Variants in PCDHA11 observed in about 807,000 individuals in gnomAD.
The protein encoded by PCDHA11 is protocadherin alpha 11.
PCDHA11 carries 61 observed loss-of-function variants against 70.3 expected under a neutral mutation model. The observed-to-expected ratio is 0.87, with a 90% CI of 0.71 to 1.07. PCDHA11 has a LOEUF of 1.07. Ranked by LOEUF, PCDHA11 falls within the 50% of genes least tolerant of loss-of-function variation. The probability of loss-of-function intolerance (pLI) is 0.00; values close to 1 mark genes in which losing one functional copy is unlikely to be tolerated. For missense variants in PCDHA11, 1,324 were observed against 1,237.5 expected (o/e 1.07, Z -1.05); for synonymous variants, 633 against 555.1 (o/e 1.14, Z -1.97).
intron 1 of PCDHA11, among the ~76,000 whole-genome samples, chr5:140,934,143 A>T (rs1335256190): frequency 6.6e-6 from 1 of 152,000 alleles, no homozygotes; most frequent in Non-Finnish European, 1.5e-5. Context: ...TTCCTTCCTT[A>T]TATGTTTATA....
rs782042665 is a variant in PCDHA11, at chr5:140,871,029, G to A, written c.1926G>A (p.Pro642=). ...GTGCCCTGGACGAGGCAGACTCGCC[G>A]CGCCACCGACTTCTAGTACTGGTGA... ...TTRALDEADS[P]RHRLLVLVKD... Residue 642 remains proline, a synonymous_variant, in exon 1 of 4, where the codon CCG becomes CCA. Coordinates refer to ENST00000398640, the MANE Select transcript of PCDHA11 (RefSeq NM_018902.5). 1.9e-6 allele frequency: 3 copies of A among 1,613,228 alleles called. No homozygotes were observed. Among genetic ancestry groups the A allele is most frequent in the Non-Finnish European group, 2.5e-6 (3 of 1,179,844 alleles).
chr5:140,919,666 A>G (rs1247598579), intron 1 of PCDHA11, among the ~76,000 whole-genome samples: 1 of 152,154 alleles, frequency 6.6e-6, no homozygotes. Context: ...TATATATTTT[A>G]GCTTATTGGT....
intron 1 of PCDHA11, chr5:140,876,935 C>T (rs1554169119): frequency 6.2e-7 from 1 of 1,613,746 alleles, no homozygotes; most frequent in Non-Finnish European, 8.5e-7. Context: ...CAGAAGAACG[C>T]GCTGGTGTCC....
chr5:140,882,958 C>T (rs1582656438), intron 1 of PCDHA11: 1 of 1,614,040 alleles, frequency 6.2e-7, no homozygotes, highest in Non-Finnish European at 8.5e-7. Flanking sequence ...AGCTGCTCAT[C>T]ACGATTCTGG....
chr5:140,936,760 T>G (rs2091134702), intron 1 of PCDHA11, among the ~76,000 whole-genome samples: 1 of 152,220 alleles, frequency 6.6e-6, no homozygotes, highest in African/African-American at 2.4e-5. Context: ...TGATATCTAA[T>G]TGTGTAAGTT....
chr5:140,880,407 C>T (rs1198132829), intron 1 of PCDHA11, among the ~76,000 whole-genome samples: 1 of 152,128 alleles, frequency 6.6e-6, no homozygotes, highest in Non-Finnish European at 1.5e-5. Context: ...ATATGGTTGA[C>T]CTTAAAAGCG....
chr5:140,993,694 T>C (rs1192686372), intron 3 of PCDHA11, among the ~76,000 whole-genome samples: 1 of 152,186 alleles, frequency 6.6e-6, no homozygotes, highest in African/African-American at 2.4e-5. Flanking sequence ...TCCCATAAGA[T>C]TGTAATACCA....
At chr5:140,957,080 A>G (rs2095331610) in intron 1 of PCDHA11, among the ~76,000 whole-genome samples, 1 of 152,174 alleles carries the variant, frequency 6.6e-6, no homozygotes. Flanking sequence ...CTTTTTATTA[A>G]GGAAAATGAA....
In PCDHA11 at chr5:140,967,672, C is replaced by G. The variant is rs781956405; in HGVS notation, c.2392-11277C>G. 36 of 1,614,182 alleles carry G rather than the reference C, an allele frequency of 2.2e-5. No individual in the cohort carries two copies. The South Asian group carries it at 3.8e-4, about 17-fold the overall frequency. ...ACTCCTTGAGCAGCTACACGTCGGACCGGGAGAGGCAGCTCTTCAGCATAG... is the reference window on the plus strand; with the variant it reads ...ACTCCTTGAGCAGCTACACGTCGGAGCGGGAGAGGCAGCTCTTCAGCATAG... On this transcript the variant is annotated intron_variant, in intron 1 of 3. Transcript: ENST00000398640.
chr5:140,890,776 A>T (rs1554184541), intron 1 of PCDHA11, among the ~76,000 whole-genome samples: 2 of 152,198 alleles, frequency 1.3e-5, no homozygotes, highest in Non-Finnish European at 2.9e-5. Context: ...TTAAAACCCC[A>T]TAAGATATTA....
intron 3 of PCDHA11, among the ~76,000 whole-genome samples, chr5:141,007,067 G>A (rs1352139121): frequency 1.3e-5 from 2 of 152,164 alleles, no homozygotes; most frequent in African/African-American, 4.8e-5. Flanking sequence ...AAAGGAGAGA[G>A]TGAAGAGAAA....
At chr5:140,975,511 A>T (rs1236558069) in intron 1 of PCDHA11, among the ~76,000 whole-genome samples, 2 of 152,212 alleles carry the variant, frequency 1.3e-5, no homozygotes, top group African/African-American at 4.8e-5. Flanking sequence ...CACTATGCAA[A>T]ATCTGCAGTG....
In PCDHA11 at chr5:140,966,999, G is replaced by A. The variant is rs782081862; in HGVS notation, c.2392-11950G>A. 115 of 1,604,458 alleles carry A rather than the reference G, an allele frequency of 7.2e-5. No homozygotes were observed. The highest frequency in any genetic ancestry group is 8.8e-5 in the Non-Finnish European group (104 of 1,177,324). ...CGGCGCTTGGGGCCGGGTTGCTTGC[G>A]CATCAACCATCTGGGTGCGCCCAGT... On this transcript the variant is annotated intron_variant, in intron 1 of 3. Transcript: ENST00000398640.
At chr5:140,877,652 C>T (rs1456022709) in intron 1 of PCDHA11, 1 of 1,613,400 alleles carries the variant, frequency 6.2e-7, no homozygotes, top group Non-Finnish European at 8.5e-7. Context: ...TCAGCGCCGC[C>T]CACCGTGAGC....
At chr5:140,877,549 C>T in intron 1 of PCDHA11, 1 of 1,613,788 alleles carries the variant, frequency 6.2e-7, no homozygotes, top group Non-Finnish European at 8.5e-7. Flanking sequence ...CGAAGCGGCT[C>T]TGGTGGATAT....
chr5:140,923,055 A>G (rs1233279179), intron 1 of PCDHA11, among the ~76,000 whole-genome samples: 1 of 152,236 alleles, frequency 6.6e-6, no homozygotes, highest in African/African-American at 2.4e-5. Flanking sequence ...TTTAGAATAA[A>G]AGAGCTAGGT....
intron 1 of PCDHA11, among the ~76,000 whole-genome samples, chr5:140,959,188 G>A (rs782018838): frequency 6.6e-6 from 1 of 151,982 alleles, no homozygotes; most frequent in Non-Finnish European, 1.5e-5. Context: ...ACCAGTCTGG[G>A]CAACATGGTG....
chr5:140,874,662 G>A (rs1478767625), intron 1 of PCDHA11, among the ~76,000 whole-genome samples: 1 of 152,170 alleles, frequency 6.6e-6, no homozygotes, highest in Non-Finnish European at 1.5e-5. Flanking sequence ...AAACTTTCCA[G>A]AATCTATTCC....
At chr5:140,946,077 C>T (rs246055) in intron 1 of PCDHA11, among the ~76,000 whole-genome samples, 85,716 of 151,878 alleles carry the variant, frequency 0.56, 24,786 homozygotes, top group African/African-American at 0.69. Context: ...TTGCAAACCA[C>T]AGATCTGATA....
Sources: allele counts gnomAD v4.1 joint callset (sites outside exome capture counted in the v4.1 genomes callset), GRCh38; gene constraint gnomAD v4.1.1; transcripts MANE v1.5; gene names NCBI Gene and HGNC (gene_info 2026-07-23, HGNC 2026-07-21).